The following RAPGEF4 variants were observed in gnomAD, a reference collection of about 807,000 sequenced individuals.
The protein encoded by RAPGEF4 is RAP guanine-nucleotide-exchange factor (GEF) 4.
RAPGEF4 carries 66 observed loss-of-function variants against 147.9 expected under a neutral mutation model. That is an observed-to-expected ratio of 0.45 (90% confidence interval 0.37 to 0.55). The LOEUF (loss-of-function observed/expected upper bound fraction) is 0.55, where lower values mean the gene tolerates loss of function less well. RAPGEF4 is among the 20% of genes least tolerant of loss of function. The probability of loss-of-function intolerance (pLI) is 0.00; values close to 1 mark genes in which losing one functional copy is unlikely to be tolerated. For missense variants in RAPGEF4, 1,071 were observed against 1,257.3 expected (o/e 0.85, Z 2.24); for synonymous variants, 419 against 442.7 (o/e 0.95, Z 0.67).
intron 4 of RAPGEF4, among the ~76,000 whole-genome samples, chr2:172,875,832 G>A (rs1309715830): frequency 6.6e-6 from 1 of 152,248 alleles, no homozygotes; most frequent in Non-Finnish European, 1.5e-5. Context: ...AAATTACCTT[G>A]GGCAGTATGG....
chr2:172,762,732 G>A (rs1363561503), intron 1 of RAPGEF4, among the ~76,000 whole-genome samples: 1 of 152,154 alleles, frequency 6.6e-6, no homozygotes, highest in Non-Finnish European at 1.5e-5. Flanking sequence ...CCTAACACAA[G>A]GTCATAGATA....
At chr2:172,743,268 C>G (rs903028023) in intron 1 of RAPGEF4, among the ~76,000 whole-genome samples, 1 of 152,086 alleles carries the variant, frequency 6.6e-6, no homozygotes, top group African/African-American at 2.4e-5. Flanking sequence ...AGGGAGACAG[C>G]GAGAGATCCA....
intron 4 of RAPGEF4, among the ~76,000 whole-genome samples, chr2:172,849,874 A>G (rs1692616276): frequency 6.6e-6 from 1 of 152,220 alleles, no homozygotes. Flanking sequence ...TTCAATGGTG[A>G]TGGATTGTCC....
In RAPGEF4 at chr2:173,042,807, A is replaced by G. The variant is rs1258558670; in HGVS notation, c.2854-5793A>G. 6.6e-6 allele frequency among the ~76,000 whole-genome samples: 1 copy of G among 152,122 alleles called. No homozygotes were observed. Among genetic ancestry groups the G allele is most frequent in the Non-Finnish European group, 1.5e-5 (1 of 68,018 alleles). ...TCCCTCCCTGAGTACATAGAGGTAT[A>G]CATGCTCTACACGTGCCTGGAAAGG... On this transcript the variant is annotated intron_variant, in intron 29 of 30. Coordinates refer to ENST00000397081, the MANE Select transcript of RAPGEF4 (RefSeq NM_007023.4). This position sits in a 1 kb window ranked among gnomAD's most constrained non-coding sequence, Gnocchi z 4.2.
chr2:172,930,631 A>C (rs1690939966), intron 6 of RAPGEF4, among the ~76,000 whole-genome samples: 1 of 152,166 alleles, frequency 6.6e-6, no homozygotes, highest in African/African-American at 2.4e-5. Flanking sequence ...TAGCTCTCCT[A>C]ACTGCCAGCC....
chr2:172,987,258 C>T (rs1041738747), intron 12 of RAPGEF4, among the ~76,000 whole-genome samples: 1 of 152,014 alleles, frequency 6.6e-6, no homozygotes, highest in Non-Finnish European at 1.5e-5. Context: ...GCCGTGATCA[C>T]GCCACTGCAC....
intron 17 of RAPGEF4, among the ~76,000 whole-genome samples, chr2:173,005,669 C>T (rs756298195): frequency 5.9e-5 from 9 of 151,692 alleles, no homozygotes; most frequent in South Asian, 2.1e-4. Context: ...ACTACAGGCA[C>T]GCACCACCAC....
chr2:172,899,914 C>A (rs1559107253), intron 4 of RAPGEF4, among the ~76,000 whole-genome samples: 1 of 152,156 alleles, frequency 6.6e-6, no homozygotes. Context: ...AGGAAAAAGG[C>A]CAAGCACGTG....
At chr2:172,870,960 C>T (rs1394972510) in intron 4 of RAPGEF4, among the ~76,000 whole-genome samples, 1 of 152,130 alleles carries the variant, frequency 6.6e-6, no homozygotes, top group Non-Finnish European at 1.5e-5. Flanking sequence ...TGGTATAAAA[C>T]TTGTATATTT....
chr2:173,036,583 CAT>C (rs757270012), intron 28 of RAPGEF4, 43 bp from the exon 29 acceptor site: 1 of 1,414,012 alleles, frequency 7.1e-7, no homozygotes. Flanking sequence ...CTTAGTATGA[CAT>C]ATTTCCATTA....
chr2:172,967,879 C>A (rs920610972), intron 10 of RAPGEF4, among the ~76,000 whole-genome samples: 2 of 152,182 alleles, frequency 1.3e-5, no homozygotes, highest in Non-Finnish European at 2.9e-5. Context: ...ATGCTCTTAC[C>A]CACCTCTGAG....
intron 6 of RAPGEF4, among the ~76,000 whole-genome samples, chr2:172,942,711 T>C (rs944342526): frequency 3.3e-5 from 5 of 152,180 alleles, no homozygotes; most frequent in Non-Finnish European, 7.3e-5. Context: ...TAAAATTTTC[T>C]AGTTGCTACA....
intron 3 of RAPGEF4, among the ~76,000 whole-genome samples, chr2:172,800,613 A>C (rs1320112289): frequency 6.6e-6 from 1 of 152,200 alleles, no homozygotes; most frequent in Non-Finnish European, 1.5e-5. Flanking sequence ...ACTGGCTCAC[A>C]TGATTGTGGG....
chr2:172,870,348 C>T (rs62174581), intron 4 of RAPGEF4, among the ~76,000 whole-genome samples: 29,714 of 152,068 alleles, frequency 0.2, 3,635 homozygotes, highest in Middle Eastern at 0.29. Flanking sequence ...TCTTGGTAGG[C>T]CAGTTGCCAG....
intron 4 of RAPGEF4, among the ~76,000 whole-genome samples, chr2:172,882,092 A>T (rs1176415485): frequency 6.6e-6 from 1 of 152,236 alleles, no homozygotes; most frequent in East Asian, 1.9e-4. Flanking sequence ...AGTAAATCCA[A>T]CATTTTTCTT....
intron 6 of RAPGEF4, among the ~76,000 whole-genome samples, chr2:172,939,375 C>T (rs1686919418): frequency 6.6e-6 from 1 of 152,092 alleles, no homozygotes; most frequent in Admixed American, 6.6e-5. Flanking sequence ...GTATCTCATT[C>T]TTGTTTTTAA....
At position 172,745,520 on chromosome 2, in the gene RAPGEF4, T is replaced by C. The variant is rs144662593; in HGVS notation, c.65+9472T>C. ...TTAATATTTTAAAAGAAACAACTTT[T>C]AGTTGATTTACTGTTTTCTTTGAGA... On this transcript the variant is annotated intron_variant, in intron 1 of 30. Transcript: ENST00000397081. 1.6e-3 allele frequency among the ~76,000 whole-genome samples: 239 copies of C among 152,274 alleles called. 2 individuals carry two copies. Among genetic ancestry groups the C allele is most frequent in the Middle Eastern group, 6.8e-3 (2 of 294 alleles).
At chr2:172,929,755 C>T (rs1384236406) in intron 6 of RAPGEF4, among the ~76,000 whole-genome samples, 5 of 152,116 alleles carry the variant, frequency 3.3e-5, no homozygotes, top group South Asian at 2.1e-4. Context: ...CAGAAGCACA[C>T]GTGAACAAAT....
At chr2:172,988,404 A>G (rs1692490612) in intron 13 of RAPGEF4, 132 bp downstream of exon 13, 5 of 1,415,238 alleles carry the variant, frequency 3.5e-6, no homozygotes, top group Admixed American at 6.2e-5. Context: ...ACATTATTGT[A>G]TCTTTAATCA....
Sources: allele counts gnomAD v4.1 joint callset (sites outside exome capture counted in the v4.1 genomes callset), GRCh38; gene constraint gnomAD v4.1.1; non-coding constraint Gnocchi (gnomAD v3.1); transcripts MANE v1.5; gene names NCBI Gene and HGNC (gene_info 2026-07-23, HGNC 2026-07-21).